RAD50: variants seen among roughly 807,000 people sequenced by gnomAD.
RAD50 encodes RAD50 double strand break repair protein.
In RAD50, 132 loss-of-function variants were observed where a neutral mutation model predicts 168.8. That is an observed-to-expected ratio of 0.78 (90% CI 0.68 to 0.90). The LOEUF (loss-of-function observed/expected upper bound fraction) is 0.90, where lower values mean the gene tolerates loss of function less well. Among genes scored for constraint, RAD50 ranks in the 40% least tolerant of loss-of-function variants. The pLI, the probability that RAD50 is intolerant of heterozygous loss-of-function variation, is 0.00. For synonymous variants in RAD50, 525 were observed against 497.4 expected, an observed-to-expected ratio of 1.06 and a Z score of -0.74; for missense variants, 1,347 against 1,534.4, an observed-to-expected ratio of 0.88 and a Z score of 2.04.
chr5:132,616,365 A>G (rs887071199), intron 20 of RAD50, among the ~76,000 whole-genome samples: 9 of 152,214 alleles, frequency 5.9e-5, no homozygotes, highest in African/African-American at 2.2e-4. Context: ...GTTATTCAGT[A>G]TTGAACATGC....
chr5:132,626,243 G>A (rs979870462), intron 21 of RAD50, among the ~76,000 whole-genome samples: 5 of 152,106 alleles, frequency 3.3e-5, no homozygotes, highest in Non-Finnish European at 7.4e-5. Flanking sequence ...ATTATGAACA[G>A]TGCTGCAATA....
intron 5 of RAD50, among the ~76,000 whole-genome samples, chr5:132,585,069 G>A (rs1304791575): frequency 1.3e-5 from 2 of 152,178 alleles, no homozygotes; most frequent in Non-Finnish European, 2.9e-5. Flanking sequence ...TGCATGTTGT[G>A]CACATGTACC....
rs2149867203 is a variant in RAD50 at position 132,642,473 on chromosome 5, G to A, written c.*109G>A. On this transcript the variant is annotated 3_prime_UTR_variant, in exon 25 of 25. Transcript: ENST00000378823. ...CAATAAGAAAATATATTCTTTCAAA[G>A]GAACATTGTGTCTAGGATTTTGGAT... The A allele has an allele frequency of 9.5e-7, 1 of 1,052,504 alleles. No individual in the cohort carries two copies. Among genetic ancestry groups the A allele is most frequent in the Non-Finnish European group, 1.4e-6 (1 of 725,842 alleles). 65.2% of individuals were successfully genotyped at this position (1,052,504 alleles called of 1,614,324 possible). A position where few individuals can be genotyped will look rare whatever the true frequency, so the allele number is the denominator to read the frequency against.
At chr5:132,607,767 A>G (rs1348271250) in intron 16 of RAD50, among the ~76,000 whole-genome samples, 1 of 152,188 alleles carries the variant, frequency 6.6e-6, no homozygotes, top group Non-Finnish European at 1.5e-5. Flanking sequence ...TGATTTTCTG[A>G]TAGATCTTTT....
At position 132,640,685 on chromosome 5, in the gene RAD50, T is replaced by A. The variant is rs1274354295; in HGVS notation, c.3632T>A (p.Leu1211His). 6.2e-7 allele frequency: 1 copy of A among 1,614,102 alleles called. No homozygotes were observed. The highest frequency in any genetic ancestry group is 8.5e-7 in the Non-Finnish European group (1 of 1,180,034). The change falls in exon 24 of 25, where the codon CTC (leucine) becomes CAC (histidine). Residue 1211 changes from leucine (L) to histidine (H), a missense_variant. Leu to His is a moderately conservative substitution (Grantham distance 99). This residue lies in a region of RAD50 where 635 missense variants were observed against 739.2 expected (regional missense o/e 0.86). Coordinates refer to ENST00000378823, the MANE Select transcript of RAD50 (RefSeq NM_005732.4). ...CSAGQKVLAS[L>H]IIRLALAETF... ...GCTTTTTTCCAGGTATTAGCCTCAC[T>A]CATCATTCGCCTGGCCCTGGCTGAA... is the stretch of plus-strand genomic sequence containing the variant.
intron 19 of RAD50, among the ~76,000 whole-genome samples, chr5:132,610,029 A>T: frequency 1.3e-5 from 1 of 74,742 alleles, no homozygotes; most frequent in East Asian, 3.0e-4. Context: ...GTGTGTGTGT[A>T]TATATATATA....
chr5:132,618,374 C>A, intron 21 of RAD50, 80 bp downstream of exon 21: 1 of 1,552,208 alleles, frequency 6.4e-7, no homozygotes, highest in Non-Finnish European at 8.7e-7. Flanking sequence ...TCATTTTTTT[C>A]TTTTTTTCTT....
intron 20 of RAD50, among the ~76,000 whole-genome samples, chr5:132,617,352 A>G (rs1015787010): frequency 1.3e-5 from 2 of 152,246 alleles, no homozygotes; most frequent in African/African-American, 4.8e-5. Flanking sequence ...CAACCAGGAC[A>G]TAACAGAAAT....
intron 21 of RAD50, among the ~76,000 whole-genome samples, chr5:132,631,750 G>A (rs942625386): frequency 7.2e-5 from 11 of 152,126 alleles, no homozygotes; most frequent in South Asian, 2.1e-4. Context: ...CTGTCACCCA[G>A]GCTGGAGTGC....
intron 21 of RAD50, among the ~76,000 whole-genome samples, chr5:132,632,704 A>T (rs1751498723): frequency 1.3e-5 from 2 of 152,230 alleles, no homozygotes; most frequent in Admixed American, 1.3e-4. Context: ...CTTCCTAGAA[A>T]TGGAGTTACT....
chr5:132,563,583 A>G (rs907163455), intron 2 of RAD50, among the ~76,000 whole-genome samples: 4 of 152,168 alleles, frequency 2.6e-5, no homozygotes, highest in Non-Finnish European at 5.9e-5. Context: ...GTTTTGTGAA[A>G]ATTTAAAGAG....
intron 5 of RAD50, among the ~76,000 whole-genome samples, chr5:132,584,580 C>T (rs986610346): frequency 6.6e-5 from 10 of 152,156 alleles, no homozygotes; most frequent in African/African-American, 2.4e-4. Flanking sequence ...TTTGACCCAG[C>T]CATCCCATTA....
At chr5:132,611,604 G>A (rs1032755240) in intron 19 of RAD50, among the ~76,000 whole-genome samples, 2 of 150,150 alleles carry the variant, frequency 1.3e-5, no homozygotes, top group African/African-American at 4.9e-5. Context: ...TACTCAGGAA[G>A]CTGAGGCAGG....
Position 132,640,776 on chromosome 5 carries a change from C to T in RAD50, c.3723C>T (p.Asn1241=), listed in dbSNP as rs2149865804. 2 of 1,614,162 alleles carry T rather than the reference C, an allele frequency of 1.2e-6. No homozygotes were observed. The highest frequency in any genetic ancestry group is 1.7e-6 in the Non-Finnish European group (2 of 1,180,026). The stretch of plus-strand genomic sequence containing the variant: ...CAACAACAAATCTTGACCGAGAAAA[C>T]ATTGAATCTCTTGCACATGCTCTGG... ...DEPTTNLDRE[N]IESLAHALVE... The change falls in exon 24 of 25, where the codon AAC becomes AAT. Residue 1241 remains asparagine, a synonymous_variant. Transcript: ENST00000378823.
intron 3 of RAD50, among the ~76,000 whole-genome samples, chr5:132,576,422 G>A (rs906180153): frequency 2.0e-5 from 3 of 152,178 alleles, no homozygotes; most frequent in Non-Finnish European, 4.4e-5. Flanking sequence ...ATTTTCTAAT[G>A]GATATGGATT....
Position 132,618,074 on chromosome 5 carries a change from C to A in RAD50, c.3169C>A (p.His1057Asn). 1 of 1,612,174 alleles carries A rather than the reference C, an allele frequency of 6.2e-7. No individual in the cohort carries two copies. Among genetic ancestry groups the A allele is most frequent in the South Asian group, 1.1e-5 (1 of 91,010 alleles). ...QMQVLQMKSE[H>N]QKLEENIDNI... ...TGTCATTTTTCTTTTTTACAGTGAA[C>A]ATCAGAAGTTGGAAGAGAACATAGA... Residue 1057 changes from histidine to asparagine, a missense_variant, in exon 21 of 25, where the codon CAT (histidine) becomes AAT (asparagine). Physicochemically the swap from His to Asn is moderately conservative, Grantham distance 68. Transcript: ENST00000378823.
intron 3 of RAD50, 39 bp from the exon 4 acceptor site, chr5:132,579,278 G>T: frequency 6.3e-7 from 1 of 1,582,870 alleles, no homozygotes; most frequent in South Asian, 1.1e-5. Context: ...ATACACTGAA[G>T]GTTATTTTAC....
chr5:132,592,018 A>C lies in RAD50; in HGVS notation c.1777A>C (p.Arg593=), dbSNP rs762842543. Residue 593 remains arginine (R), a synonymous_variant, in exon 11 of 25, where the codon AGA becomes CGA. Coordinates refer to ENST00000378823, the MANE Select transcript of RAD50 (RefSeq NM_005732.4). The part of the protein sequence containing the change: ...KSKEINQTRD[R]LAKLNKELAS... ...AAAAGAAATTAATCAGACCAGGGACAGACTTGCCAAATTGAAGTAAGTTGC... is the reference window on the plus strand; with the variant it reads ...AAAAGAAATTAATCAGACCAGGGACCGACTTGCCAAATTGAAGTAAGTTGC... 6.2e-7 allele frequency: 1 copy of C among 1,612,958 alleles called. No individual in the cohort carries two copies. Among genetic ancestry groups the C allele is most frequent in the Non-Finnish European group, 8.5e-7 (1 of 1,179,144 alleles).
At chr5:132,584,220 A>G (rs1750555453) in intron 5 of RAD50, among the ~76,000 whole-genome samples, 1 of 152,174 alleles carries the variant, frequency 6.6e-6, no homozygotes. Flanking sequence ...GTGAGATGAT[A>G]TCTCATTGTG....
Sources: allele counts gnomAD v4.1 joint callset (sites outside exome capture counted in the v4.1 genomes callset), GRCh38; gene constraint gnomAD v4.1.1; regional missense constraint gnomAD v4.1.1; transcripts MANE v1.5; gene names NCBI Gene and HGNC (gene_info 2026-07-23, HGNC 2026-07-21).